RIPOR3: variants seen among roughly 807,000 people sequenced by gnomAD.
The protein encoded by RIPOR3 is family with sequence similarity 65 member C.
In RIPOR3, 95 loss-of-function variants were observed where a neutral mutation model predicts 114.3. That is an observed-to-expected ratio of 0.83 (90% confidence interval 0.70 to 0.99). The LOEUF is 0.99. RIPOR3 is among the 50% of genes least tolerant of loss of function. The pLI, the probability that RIPOR3 is intolerant of heterozygous loss-of-function variation, is 0.00. For synonymous variants in RIPOR3, 575 were observed against 543.8 expected (o/e 1.06, Z -0.80); for missense variants, 1,252 against 1,266.9 (o/e 0.99, Z 0.18).
chr20:50,663,824 CCT>C (rs1337104544), intron 1 of RIPOR3, among the ~76,000 whole-genome samples: 3 of 152,182 alleles, frequency 2.0e-5, no homozygotes, highest in Non-Finnish European at 4.4e-5. Context: ...AAACACCTCA[CCT>C]CTCTCACAAT....
rs760678933 is a variant in RIPOR3, at chr20:50,608,658, C to G, written c.765G>C (p.Glu255Asp). The G allele has an allele frequency of 6.2e-7, 1 of 1,614,078 alleles. No individual in the cohort carries two copies. Among genetic ancestry groups the G allele is most frequent in the South Asian group, 1.1e-5 (1 of 91,082 alleles). Reference sequence around the variant, plus strand: ...GCAGCGTGGGGATGAAGGCCTTCTCCTCTTCGTCCCAGGTCTGGCTGTCAT... The same window carrying G: ...GCAGCGTGGGGATGAAGGCCTTCTCGTCTTCGTCCCAGGTCTGGCTGTCAT... ...ESDDSQTWDE[E>D]EKAFIPTLHE... Residue 255 changes from glutamate to aspartate, a missense_variant, in exon 10 of 22, where the codon GAG becomes GAC. Glu to Asp is a conservative substitution (Grantham distance 45). Transcript: ENST00000327979.
intron 1 of RIPOR3, among the ~76,000 whole-genome samples, chr20:50,659,636 A>G (rs1011760597): frequency 6.9e-6 from 1 of 144,852 alleles, no homozygotes; most frequent in Non-Finnish European, 1.5e-5. Flanking sequence ...GACAAGAGCG[A>G]AACTCCGTCT....
rs779306161 is a variant in RIPOR3, at chr20:50,595,465, A to G, written c.1954T>C (p.Cys652Arg). 1.3e-5 allele frequency: 21 copies of G among 1,614,032 alleles called. No homozygotes were observed. In the South Asian group the frequency reaches 2.2e-4, roughly 17 times the overall value. ...TGCTGTGCCACTTCTTCCAGGAGGC[A>G]TTCCTGGACCAGCCTTGATAAATTA... ...SPNLSRLVQE[C>R]LLEEVAQQKH... The change falls in exon 16 of 22, where the codon TGC (cysteine) becomes CGC (arginine). Residue 652 changes from cysteine to arginine, a missense_variant. Physicochemically the swap from Cys to Arg is radical, Grantham distance 180 (BLOSUM62 -3). Transcript: ENST00000327979.
chr20:50,608,309 G>A lies in RIPOR3; in HGVS notation c.956+80C>T, dbSNP rs1042764846. On this transcript the variant is annotated intron_variant, in intron 11 of 21. Transcript: ENST00000327979. Reference sequence around the variant, plus strand: ...ACACCCTTGGCAGAGGCTGGTGCAGGAACCCAGGGCCAGAGTGTGGCCAGG... The same window carrying A: ...ACACCCTTGGCAGAGGCTGGTGCAGAAACCCAGGGCCAGAGTGTGGCCAGG... The A allele has an allele frequency of 1.3e-5, 21 of 1,587,084 alleles. No homozygotes were observed. In the East Asian group the frequency reaches 4.0e-4, roughly 31 times the overall value.
intron 1 of RIPOR3, among the ~76,000 whole-genome samples, chr20:50,688,598 A>T (rs1373912099): frequency 3.3e-5 from 5 of 152,234 alleles, no homozygotes; most frequent in Admixed American, 2.0e-4. Context: ...AGCTGCCTCC[A>T]GCACACCTCT....
intron 20 of RIPOR3, among the ~76,000 whole-genome samples, chr20:50,588,760 AAAAAAAAAG>A (rs2083006646): frequency 1.3e-5 from 2 of 150,988 alleles, no homozygotes; most frequent in Non-Finnish European, 3.0e-5. Context: ...AAAAAAAAAA[AAAAAAAAAG>A]AAAAAAAACA....
intron 1 of RIPOR3, among the ~76,000 whole-genome samples, chr20:50,654,936 G>A (rs1331429623): frequency 6.6e-6 from 1 of 152,168 alleles, no homozygotes; most frequent in African/African-American, 2.4e-5. Context: ...GTAGAGATGG[G>A]GTTTCACCAT....
chr20:50,678,669 G>A (rs1268061828), intron 1 of RIPOR3, among the ~76,000 whole-genome samples: 1 of 152,136 alleles, frequency 6.6e-6, no homozygotes, highest in Admixed American at 6.5e-5. Context: ...AACCACATAC[G>A]ACTCAAGTGT....
In RIPOR3 at chr20:50,595,220, G is replaced by A. The variant is rs532499241; in HGVS notation, c.2050+149C>T. The A allele has an allele frequency of 1.6e-5, 16 of 994,962 alleles. No homozygotes were observed. In the African/African-American group the frequency reaches 2.1e-4, roughly 13 times the overall value. 61.6% of individuals were successfully genotyped at this position (994,962 alleles called of 1,614,324 possible). ...TCTCCCTTACCTCCCCACAAAGAGT[G>A]TGTATCTCTGAGCCCAGCCCAGCCA... On this transcript the variant is annotated intron_variant, in intron 16 of 21. Transcript: ENST00000327979.
chr20:50,626,636 C>A (rs1321587451), intron 2 of RIPOR3, among the ~76,000 whole-genome samples: 1 of 152,234 alleles, frequency 6.6e-6, no homozygotes, highest in Non-Finnish European at 1.5e-5. Context: ...CCCCCACAGG[C>A]CTGGCAGGAG....
chr20:50,642,697 TC>T (rs2085248923), intron 1 of RIPOR3, among the ~76,000 whole-genome samples: 1 of 150,214 alleles, frequency 6.7e-6, no homozygotes, highest in Non-Finnish European at 1.5e-5. Context: ...CCAGGACCAA[TC>T]TCTGCCTCCC....
chr20:50,672,529 A>G (rs2086551497), intron 1 of RIPOR3, among the ~76,000 whole-genome samples: 1 of 152,142 alleles, frequency 6.6e-6, no homozygotes, highest in South Asian at 2.1e-4. Flanking sequence ...ACCAACCAAC[A>G]GCCACAGCAT....
At chr20:50,647,989 G>T (rs6096046) in intron 1 of RIPOR3, among the ~76,000 whole-genome samples, 55 of 151,872 alleles carry the variant, frequency 3.6e-4, no homozygotes, top group African/African-American at 1.3e-3. Flanking sequence ...AAAATCCAGG[G>T]TAGTGGCCAG....
At chr20:50,639,164 C>A (rs1193589773) in intron 1 of RIPOR3, among the ~76,000 whole-genome samples, 2 of 151,972 alleles carry the variant, frequency 1.3e-5, no homozygotes, top group Admixed American at 6.6e-5. Context: ...ATTGCTTGAA[C>A]CCAGGTGGCA....
chr20:50,659,041 G>A (rs1227141680), intron 1 of RIPOR3, among the ~76,000 whole-genome samples: 1 of 152,176 alleles, frequency 6.6e-6, no homozygotes, highest in Non-Finnish European at 1.5e-5. Context: ...TGACCTTATT[G>A]TGGATTCTAA....
rs563396904 is a variant in RIPOR3, at chr20:50,672,163, C to T, written c.3+18963G>A. ...TCCCGATGGGGCTGTGAATAACCCT[C>T]ACTGAGCAGCTGTCACAAGGCTAAG... On this transcript the variant is annotated intron_variant, in intron 1 of 21. Transcript: ENST00000327979. Among the ~76,000 whole-genome samples the T allele has an allele frequency of 3.3e-5, 5 of 152,230 alleles. No homozygotes were observed. The South Asian group carries it at 8.3e-4, about 25-fold the overall frequency.
In RIPOR3 at chr20:50,620,149, A is replaced by G; in HGVS notation, c.123-17T>C. On this transcript the variant is annotated splice_polypyrimidine_tract_variant and intron_variant, in intron 2 of 21. Transcript: ENST00000327979. The stretch of plus-strand genomic sequence containing the variant: ...ATGGACTTTCTGTGAGAAGGGTTGG[A>G]GGGCAAGAGAAGTCAGAGAAGGGCC... 6.2e-7 allele frequency: 1 copy of G among 1,611,234 alleles called. No homozygotes were observed. Among genetic ancestry groups the G allele is most frequent in the Non-Finnish European group, 8.5e-7 (1 of 1,178,666 alleles).
chr20:50,676,662 A>T (rs921392531), intron 1 of RIPOR3, among the ~76,000 whole-genome samples: 4 of 151,850 alleles, frequency 2.6e-5, no homozygotes, highest in African/African-American at 7.3e-5. Flanking sequence ...AAAACAAAAT[A>T]AAAAAACCCA....
chr20:50,687,132 A>C lies in RIPOR3; in HGVS notation c.3+3994T>G, dbSNP rs950263215. 5.9e-5 allele frequency among the ~76,000 whole-genome samples: 9 copies of C among 152,246 alleles called. No individual in the cohort carries two copies. In the East Asian group the frequency reaches 1.7e-3, roughly 29 times the overall value. ...TGGCAGGAGACAGACTAGAAACGGAAGAGGACTAATCGGGAGCCGCTGCGG... is the reference window on the plus strand; with the variant it reads ...TGGCAGGAGACAGACTAGAAACGGACGAGGACTAATCGGGAGCCGCTGCGG... On this transcript the variant is annotated intron_variant, in intron 1 of 21. Coordinates refer to ENST00000327979, the MANE Select transcript of RIPOR3 (RefSeq NM_001290268.2).
Sources: gnomAD v4.1 joint callset for allele counts (sites outside exome capture counted in the v4.1 genomes callset) on GRCh38, gnomAD v4.1.1 for gene constraint, MANE v1.5 for transcripts, NCBI Gene and HGNC (gene_info 2026-07-23, HGNC 2026-07-21) for gene names.